Variants in PRELID2 observed in about 807,000 individuals in gnomAD.
PRELID2 encodes the protein PRELI domain containing 2, also known as PRELI domain-containing protein 2.
Under a neutral mutation model 28.4 loss-of-function variants are expected in PRELID2, and 25 were observed. The observed-to-expected ratio is 0.88, with a 90% CI of 0.64 to 1.23. The LOEUF (loss-of-function observed/expected upper bound fraction) is 1.23, where lower values mean the gene tolerates loss of function less well. PRELID2 is among the 50% of genes most tolerant of loss of function. The pLI, the probability that PRELID2 is intolerant of heterozygous loss-of-function variation, is 0.00. For synonymous variants in PRELID2, 76 were observed against 71.6 expected (o/e 1.06, Z -0.31); for missense variants, 201 against 214.4 (o/e 0.94, Z 0.39).
At chr5:145,478,694 T>C (rs1008125670) in intron 1 of PRELID2, among the ~76,000 whole-genome samples, 5 of 152,256 alleles carry the variant, frequency 3.3e-5, no homozygotes, top group African/African-American at 1.2e-4. Context: ...CCTCTTACTT[T>C]TTTAATGTGA....
the PRELID2 span, among the ~76,000 whole-genome samples, chr5:145,349,936 C>T: frequency 6.6e-6 from 1 of 152,054 alleles, no homozygotes; most frequent in Admixed American, 6.6e-5. Flanking sequence ...TTATTAAGCT[C>T]ATATTATGTG....
chr5:145,544,039 A>T (rs6580379), intron 1 of PRELID2, among the ~76,000 whole-genome samples: 36,069 of 151,798 alleles, frequency 0.24, 5,376 homozygotes, highest in African/African-American at 0.44. Flanking sequence ...ACAAGTTAAA[A>T]CCTATAAAAA....
chr5:145,238,379 C>T, the PRELID2 span, among the ~76,000 whole-genome samples: 1 of 152,092 alleles, frequency 6.6e-6, no homozygotes, highest in Non-Finnish European at 1.5e-5. Flanking sequence ...CATTATTCAA[C>T]ACTTCTAGCT....
intron 1 of PRELID2, among the ~76,000 whole-genome samples, chr5:145,724,614 T>C (rs1386684229): frequency 1.7e-5 from 1 of 58,670 alleles, no homozygotes; most frequent in Admixed American, 1.8e-4. Context: ...TATATATATA[T>C]ATATATATAT....
At chr5:145,810,574 C>CAT (rs1753859910) in intron 4 of PRELID2, among the ~76,000 whole-genome samples, 1 of 152,174 alleles carries the variant, frequency 6.6e-6, no homozygotes, top group Non-Finnish European at 1.5e-5. Flanking sequence ...CCAAAATGAA[C>CAT]ATATTTCTGC....
the PRELID2 span, among the ~76,000 whole-genome samples, chr5:145,399,445 T>C: frequency 1.2e-4 from 19 of 152,166 alleles, no homozygotes; most frequent in Admixed American, 2.6e-4. Context: ...CAAAATTATA[T>C]GCTCTTCTTC....
chr5:145,712,286 C>T (rs187372390), intron 1 of PRELID2, among the ~76,000 whole-genome samples: 34 of 152,172 alleles, frequency 2.2e-4, no homozygotes, highest in East Asian at 1.2e-3. Flanking sequence ...AATGATTTTA[C>T]GGTATTTTAT....
chr5:145,528,726 C>CAGAGAG (rs1035893212), intron 1 of PRELID2, among the ~76,000 whole-genome samples: 7 of 53,528 alleles, frequency 1.3e-4, no homozygotes, highest in African/African-American at 1.9e-4. Flanking sequence ...CACACACACA[C>CAGAGAG]AGAGAGAGAG....
At chr5:145,308,259 G>T in the PRELID2 span, among the ~76,000 whole-genome samples, 1 of 152,190 alleles carries the variant, frequency 6.6e-6, no homozygotes, top group Non-Finnish European at 1.5e-5. Flanking sequence ...ATATGGATGG[G>T]TTTGTGATTT....
At chr5:145,308,888 T>G in the PRELID2 span, among the ~76,000 whole-genome samples, 2 of 152,176 alleles carry the variant, frequency 1.3e-5, no homozygotes, top group East Asian at 3.8e-4. Flanking sequence ...TTTTCTTTAT[T>G]GTAAATTAAT....
the PRELID2 span, among the ~76,000 whole-genome samples, chr5:145,463,200 T>C: frequency 4.6e-5 from 7 of 152,060 alleles, no homozygotes; most frequent in African/African-American, 1.7e-4. Flanking sequence ...CCGACATAAT[T>C]TTATGACCTG....
At chr5:145,520,842 T>C (rs1048963306) in intron 1 of PRELID2, among the ~76,000 whole-genome samples, 2 of 151,860 alleles carry the variant, frequency 1.3e-5, no homozygotes, top group African/African-American at 4.9e-5. Context: ...TAGTACTCAA[T>C]ATATGTTGAA....
chr5:145,503,082 G>T (rs181673825), intron 1 of PRELID2, among the ~76,000 whole-genome samples: 4 of 152,114 alleles, frequency 2.6e-5, no homozygotes, highest in African/African-American at 9.7e-5. Context: ...GTATTCACAG[G>T]GGGTGGAGGC....
At chr5:145,778,314 T>G (rs1758547063) in intron 5 of PRELID2, among the ~76,000 whole-genome samples, 1 of 152,132 alleles carries the variant, frequency 6.6e-6, no homozygotes. Context: ...CAGGGACGAC[T>G]GGACGACCTG....
At chr5:145,604,614 G>A (rs1263093591) in intron 1 of PRELID2, among the ~76,000 whole-genome samples, 1 of 151,750 alleles carries the variant, frequency 6.6e-6, no homozygotes, top group Non-Finnish European at 1.5e-5. Context: ...AAATTGCTGG[G>A]TCAAGTGGTA....
the PRELID2 span, among the ~76,000 whole-genome samples, chr5:145,460,883 C>T: frequency 6.6e-5 from 10 of 152,098 alleles, no homozygotes; most frequent in Non-Finnish European, 1.5e-4. Context: ...TAAACTATTT[C>T]AAAGATGTTT....
chr5:145,341,153 T>A, the PRELID2 span, among the ~76,000 whole-genome samples: 1 of 151,746 alleles, frequency 6.6e-6, no homozygotes, highest in Non-Finnish European at 1.5e-5. Flanking sequence ...GTGACTGTTA[T>A]ACCAGATGTG....
intron 1 of PRELID2, among the ~76,000 whole-genome samples, chr5:145,609,714 C>T (rs949413015): frequency 6.6e-6 from 1 of 152,230 alleles, no homozygotes; most frequent in African/African-American, 2.4e-5. Flanking sequence ...AGGCTGTGCC[C>T]ACCAGCTGAG....
intron 1 of PRELID2, among the ~76,000 whole-genome samples, chr5:145,630,599 C>T (rs2149658209): frequency 6.6e-6 from 1 of 152,152 alleles, no homozygotes; most frequent in East Asian, 1.9e-4. Context: ...TGGTTGTTAG[C>T]CAAGATAAGA....
Sources: gnomAD v4.1 joint callset for allele counts (sites outside exome capture counted in the v4.1 genomes callset) on GRCh38, gnomAD v4.1.1 for gene constraint, MANE v1.5 for transcripts, NCBI Gene and HGNC (gene_info 2026-07-23, HGNC 2026-07-21) for gene names.